The following DISC1 variants were observed in gnomAD, a reference collection of about 807,000 sequenced individuals.
The protein encoded by DISC1 is DISC1 scaffold protein.
Under a neutral mutation model 84.5 loss-of-function variants are expected in DISC1, and 57 were observed. That is an observed-to-expected ratio of 0.67 (90% CI 0.55 to 0.84). The LOEUF is 0.84. Ranked by LOEUF, DISC1 falls within the 40% of genes least tolerant of loss-of-function variation. DISC1 has a pLI of 0.00. For missense variants in DISC1, 1,000 were observed against 1,057.8 expected (o/e 0.95, Z 0.76); for synonymous variants, 411 against 415.2 (o/e 0.99, Z 0.12).
At chr1:231,653,389 C>T (rs1558252832) in intron 1 of DISC1, among the ~76,000 whole-genome samples, 1 of 152,146 alleles carries the variant, frequency 6.6e-6, no homozygotes, top group East Asian at 1.9e-4. Flanking sequence ...GTGTGGTTTG[C>T]AAGGTTGCCC....
chr1:232,025,402 G>A lies in DISC1; in HGVS notation c.2308-1033G>A, dbSNP rs544258510. ...TTAGACTCTGCTCTGTGGTGGTTTC[G>A]TGCAGGAAAGTGACATAAAGAAGGC... On this transcript the variant is annotated intron_variant, in intron 11 of 12. Coordinates refer to ENST00000439617, the MANE Select transcript of DISC1 (RefSeq NM_018662.3). 3.9e-5 allele frequency among the ~76,000 whole-genome samples: 6 copies of A among 152,244 alleles called. No individual in the cohort carries two copies. In the South Asian group the frequency reaches 8.3e-4, roughly 21 times the overall value.
At chr1:231,718,003 A>G (rs960785521) in intron 3 of DISC1, among the ~76,000 whole-genome samples, 1 of 152,076 alleles carries the variant, frequency 6.6e-6, no homozygotes, top group Admixed American at 6.5e-5. Flanking sequence ...CCCTATTACA[A>G]TGAATGGCAA....
intron 9 of DISC1, among the ~76,000 whole-genome samples, chr1:231,889,913 G>A (rs1219857941): frequency 6.6e-6 from 1 of 152,124 alleles, no homozygotes. Context: ...TTTTAGAAAA[G>A]CCATGTTGCT....
At chr1:231,781,295 A>G (rs2125532595) in intron 6 of DISC1, among the ~76,000 whole-genome samples, 1 of 109,468 alleles carries the variant, frequency 9.1e-6, no homozygotes, top group Non-Finnish European at 1.9e-5. Context: ...TTTATAATGT[A>G]TTTTAATATT....
chr1:231,668,766 T>C lies in DISC1; in HGVS notation c.68-25060T>C, dbSNP rs138038565. 2.8e-3 allele frequency among the ~76,000 whole-genome samples: 428 copies of C among 152,308 alleles called. 7 individuals carry two copies. Among genetic ancestry groups the C allele is most frequent in the East Asian group, 9.7e-3 (50 of 5,180 alleles). ...AAAAAGAATAAAAGTATCCTTTAAATTGACAAGCACCATGAAGTGGTTTGA... is the reference window on the plus strand; with the variant it reads ...AAAAAGAATAAAAGTATCCTTTAAACTGACAAGCACCATGAAGTGGTTTGA... On this transcript the variant is annotated intron_variant, in intron 1 of 12. Transcript: ENST00000439617.
intron 1 of DISC1, among the ~76,000 whole-genome samples, chr1:231,667,677 C>T (rs765902131): frequency 1.3e-5 from 2 of 152,188 alleles, no homozygotes; most frequent in African/African-American, 2.4e-5. Context: ...CCTTAGCTAT[C>T]GTCTGTCCTG....
At chr1:231,802,018 CTG>C (rs966293119) in intron 8 of DISC1, among the ~76,000 whole-genome samples, 2 of 152,050 alleles carry the variant, frequency 1.3e-5, no homozygotes, top group African/African-American at 4.8e-5. Flanking sequence ...CGGGGTTTCA[CTG>C]TGTTAGCCAG....
At chr1:231,927,918 G>A (rs984938126) in intron 9 of DISC1, among the ~76,000 whole-genome samples, 3 of 152,176 alleles carry the variant, frequency 2.0e-5, no homozygotes, top group African/African-American at 4.8e-5. Context: ...GGGCTGCCCC[G>A]CCAGGCCACT....
chr1:231,936,057 C>A (rs1195988685), intron 9 of DISC1, among the ~76,000 whole-genome samples: 1 of 152,092 alleles, frequency 6.6e-6, no homozygotes, highest in Non-Finnish European at 1.5e-5. Context: ...AAAGTGTGTC[C>A]ATGCTGGGGA....
chr1:231,897,184 A>G lies in DISC1; in HGVS notation c.1982-61644A>G, dbSNP rs186117452. 1.4e-4 allele frequency among the ~76,000 whole-genome samples: 21 copies of G among 152,310 alleles called. No homozygotes were observed. The East Asian group carries it at 3.7e-3, about 27-fold the overall frequency. Reference sequence around the variant, plus strand: ...GGATGAGTGGGATTTCAACAGACAGAGGCTGTAGGGCTGAGCACTTGAAAC... The same window carrying G: ...GGATGAGTGGGATTTCAACAGACAGGGGCTGTAGGGCTGAGCACTTGAAAC... On this transcript the variant is annotated intron_variant, in intron 9 of 12. Coordinates refer to ENST00000439617, the MANE Select transcript of DISC1 (RefSeq NM_018662.3). This position sits in a 1 kb window ranked among gnomAD's most constrained non-coding sequence, Gnocchi z 4.5.
In DISC1 at chr1:231,771,052, C is replaced by T. The variant is rs147158825; in HGVS notation, c.1616C>T (p.Pro539Leu). The change falls in exon 6 of 13, where the codon CCA (proline) becomes CTA (leucine). Residue 539 changes from proline to leucine, a missense_variant. Coordinates refer to ENST00000439617, the MANE Select transcript of DISC1 (RefSeq NM_018662.3). ...SAGQIPFHAE[P>L]PETIRSLQER... ...GGTCAGATTCCCTTCCATGCAGAGC[C>T]ACCGGAAACCATAAGGAGGTACTGC... 1.2e-6 allele frequency: 2 copies of T among 1,603,668 alleles called. No individual in the cohort carries two copies. The highest frequency in any genetic ancestry group is 1.7e-6 in the Non-Finnish European group (2 of 1,174,460).
intron 3 of DISC1, among the ~76,000 whole-genome samples, chr1:231,710,742 A>C (rs1475902601): frequency 1.3e-5 from 2 of 152,138 alleles, no homozygotes; most frequent in Non-Finnish European, 2.9e-5. Context: ...TTATAAGGAC[A>C]CCAGTCATAT....
chr1:231,651,769 G>C (rs1377136919), intron 1 of DISC1, among the ~76,000 whole-genome samples: 1 of 152,226 alleles, frequency 6.6e-6, no homozygotes, highest in Non-Finnish European at 1.5e-5. Flanking sequence ...CAGCCGCTTT[G>C]TTTACCTACT....
At chr1:231,988,538 A>C (rs1664770487) in intron 10 of DISC1, among the ~76,000 whole-genome samples, 1 of 152,202 alleles carries the variant, frequency 6.6e-6, no homozygotes, top group African/African-American at 2.4e-5. Context: ...CCTGTATAAA[A>C]GAGGGCCCAG....
rs115785539 is a variant in DISC1 at position 231,817,394 on chromosome 1, C to T, written c.1793-935C>T. On this transcript the variant is annotated intron_variant, in intron 8 of 12. Coordinates refer to ENST00000439617, the MANE Select transcript of DISC1 (RefSeq NM_018662.3). ...CCACCATGCCCAGCTCACTCTTAGA[C>T]GTTTTAGAATAAGCACATAAATTTC... Among the ~76,000 whole-genome samples the T allele has an allele frequency of 7.5e-3, 1,141 of 152,200 alleles. 14 individuals carry two copies. The highest frequency in any genetic ancestry group is 0.026 in the African/African-American group (1,073 of 41,532).
intron 6 of DISC1, among the ~76,000 whole-genome samples, chr1:231,771,966 G>A (rs2076581668): frequency 1.0e-5 from 1 of 98,340 alleles, no homozygotes; most frequent in Non-Finnish European, 2.2e-5. Context: ...CTCCACATCT[G>A]GCTATTTTTT....
intron 9 of DISC1, among the ~76,000 whole-genome samples, chr1:231,870,546 G>T (rs896413221): frequency 6.6e-6 from 1 of 152,190 alleles, no homozygotes; most frequent in African/African-American, 2.4e-5. Context: ...TGGGAAGGCG[G>T]CTGGAGCAGG....
At position 231,954,547 on chromosome 1, in the gene DISC1, G is replaced by A. The variant is rs1021339049; in HGVS notation, c.1982-4281G>A. Among the ~76,000 whole-genome samples the A allele has an allele frequency of 6.6e-6, 1 of 152,184 alleles. No individual in the cohort carries two copies. The highest frequency in any genetic ancestry group is 1.5e-5 in the Non-Finnish European group (1 of 68,028). ...TTCCTGATCAGGAAGGGGGTCTGCAGTCCTCTGGTCTTGTTTGTTTCGTAG... is the reference window on the plus strand; with the variant it reads ...TTCCTGATCAGGAAGGGGGTCTGCAATCCTCTGGTCTTGTTTGTTTCGTAG... On this transcript the variant is annotated intron_variant, in intron 9 of 12. Transcript: ENST00000439617. The surrounding 1 kb of genome is among the most constrained non-coding windows in gnomAD (Gnocchi z 4.8).
intron 1 of DISC1, among the ~76,000 whole-genome samples, chr1:231,665,294 T>C (rs2061921743): frequency 6.7e-6 from 1 of 149,242 alleles, no homozygotes; most frequent in African/African-American, 2.4e-5. Flanking sequence ...AAGTTATCTC[T>C]TTCAGTTCTC....
Sources: gnomAD v4.1 joint callset for allele counts (sites outside exome capture counted in the v4.1 genomes callset) on GRCh38, gnomAD v4.1.1 for gene constraint, Gnocchi (gnomAD v3.1) non-coding constraint, MANE v1.5 for transcripts, NCBI Gene and HGNC (gene_info 2026-07-23, HGNC 2026-07-21) for gene names.